Variants in LDLRAD4 observed in about 807,000 individuals in gnomAD.
LDLRAD4 encodes the protein low-density lipoprotein receptor class A domain-containing protein 4.
In LDLRAD4, 5 loss-of-function variants were observed where a neutral mutation model predicts 17.0. The observed-to-expected ratio is 0.29, with a 90% CI of 0.15 to 0.62. LDLRAD4 has a LOEUF of 0.62. LDLRAD4 is among the 20% of genes least tolerant of loss of function. The pLI is 0.84. For missense variants in LDLRAD4, 340 were observed against 424.7 expected (o/e 0.80, Z 1.75); for synonymous variants, 168 against 171.8 (o/e 0.98, Z 0.17).
At chr18:13,553,302 C>T (rs186158842) in intron 3 of LDLRAD4, among the ~76,000 whole-genome samples, 29 of 152,270 alleles carry the variant, frequency 1.9e-4, no homozygotes, top group Admixed American at 1.5e-3. Context: ...ACATCATCTC[C>T]AGCAGAAGGA....
chr18:13,452,594 CTA>C (rs985959141), intron 3 of LDLRAD4, among the ~76,000 whole-genome samples: 2 of 152,118 alleles, frequency 1.3e-5, no homozygotes. Flanking sequence ...AGAGCTGCTG[CTA>C]TGAGTCAGCC....
chr18:13,422,629 T>A (rs2089591371), intron 2 of LDLRAD4, among the ~76,000 whole-genome samples: 1 of 151,980 alleles, frequency 6.6e-6, no homozygotes, highest in Admixed American at 6.6e-5. Flanking sequence ...GCCCAGGTGT[T>A]GGAGGCTGCA....
intron 3 of LDLRAD4, among the ~76,000 whole-genome samples, chr18:13,546,471 C>T (rs1303038337): frequency 2.0e-5 from 3 of 151,266 alleles, no homozygotes; most frequent in East Asian, 1.9e-4. Context: ...CAGGCTCAAG[C>T]GATTCTCCTG....
At chr18:13,351,711 T>C (rs2083046023) in intron 1 of LDLRAD4, among the ~76,000 whole-genome samples, 1 of 152,202 alleles carries the variant, frequency 6.6e-6, no homozygotes, top group African/African-American at 2.4e-5. Flanking sequence ...CCATTCCTTC[T>C]GAAACTATTC....
intron 3 of LDLRAD4, among the ~76,000 whole-genome samples, chr18:13,601,546 C>T (rs1481338700): frequency 7.3e-5 from 11 of 151,004 alleles, no homozygotes; most frequent in East Asian, 3.9e-4. Flanking sequence ...CCCAGCTACT[C>T]GGGAGGCTGA....
chr18:13,427,012 C>T (rs1204466949), intron 2 of LDLRAD4, among the ~76,000 whole-genome samples: 4 of 151,950 alleles, frequency 2.6e-5, no homozygotes, highest in East Asian at 1.9e-4. Flanking sequence ...GGTGAAACCC[C>T]GTCTCTACTA....
chr18:13,253,516 A>C (rs1324760038), intron 1 of LDLRAD4, among the ~76,000 whole-genome samples: 1 of 152,178 alleles, frequency 6.6e-6, no homozygotes, highest in Non-Finnish European at 1.5e-5. Context: ...AGGCTGATTT[A>C]GTACTTGTGG....
At chr18:13,496,870 C>T (rs1196512594) in intron 3 of LDLRAD4, among the ~76,000 whole-genome samples, 3 of 152,220 alleles carry the variant, frequency 2.0e-5, no homozygotes, top group Non-Finnish European at 4.4e-5. Flanking sequence ...AGGCAGCCAG[C>T]CCGAACCTGG....
chr18:13,298,168 G>C (rs1159467819), intron 1 of LDLRAD4, among the ~76,000 whole-genome samples: 5 of 152,218 alleles, frequency 3.3e-5, no homozygotes, highest in African/African-American at 1.2e-4. Flanking sequence ...GCTGGGGGTG[G>C]GGATCAGTGT....
At chr18:13,458,302 A>G (rs78630305) in intron 3 of LDLRAD4, among the ~76,000 whole-genome samples, 15 of 152,316 alleles carry the variant, frequency 9.8e-5, no homozygotes, top group Non-Finnish European at 1.9e-4. Context: ...GCGCTGCTTT[A>G]GAAGCACTAT....
At chr18:13,513,113 TGTG>T (rs2093808296) in intron 3 of LDLRAD4, among the ~76,000 whole-genome samples, 1 of 152,206 alleles carries the variant, frequency 6.6e-6, no homozygotes, top group African/African-American at 2.4e-5. Flanking sequence ...GCTCCATAAG[TGTG>T]CACAGTCTGA....
chr18:13,392,578 A>C (rs1400918536), intron 2 of LDLRAD4, among the ~76,000 whole-genome samples: 1 of 151,930 alleles, frequency 6.6e-6, no homozygotes, highest in African/African-American at 2.4e-5. Context: ...ATTTCACCTG[A>C]GGTTTCTTGT....
intron 4 of LDLRAD4, among the ~76,000 whole-genome samples, chr18:13,628,868 T>TCAC (rs2041405256): frequency 6.6e-6 from 1 of 152,232 alleles, no homozygotes; most frequent in African/African-American, 2.4e-5. Context: ...TCTCACTTTG[T>TCAC]TGCGCAGGCT....
At chr18:13,383,915 A>G (rs2085585350) in intron 1 of LDLRAD4, among the ~76,000 whole-genome samples, 1 of 152,142 alleles carries the variant, frequency 6.6e-6, no homozygotes, top group South Asian at 2.1e-4. Context: ...AAGACTTTTT[A>G]CAGCATTTAT....
intron 1 of LDLRAD4, among the ~76,000 whole-genome samples, chr18:13,308,225 C>G (rs1386267811): frequency 6.6e-6 from 1 of 152,184 alleles, no homozygotes; most frequent in East Asian, 1.9e-4. Context: ...CACCCGCCGC[C>G]CCACACCTCT....
At position 13,638,047 on chromosome 18, in the gene LDLRAD4, T is replaced by C. The variant is rs191622924; in HGVS notation, c.337-5312T>C. Among the ~76,000 whole-genome samples, 99 of 152,208 alleles carry C rather than the reference T, an allele frequency of 6.5e-4. 1 individual carries two copies. Among genetic ancestry groups the C allele is most frequent in the African/African-American group, 2.3e-3 (96 of 41,522 alleles). On this transcript the variant is annotated intron_variant, in intron 4 of 5. Transcript: ENST00000359446. Reference sequence around the variant, plus strand: ...ATGGTATTTGAGCCTCATGACAACCTCTTTTTACAAATAAGGGAACTGAGG... The same window carrying C: ...ATGGTATTTGAGCCTCATGACAACCCCTTTTTACAAATAAGGGAACTGAGG...
chr18:13,266,721 G>A (rs1258391478), intron 1 of LDLRAD4, among the ~76,000 whole-genome samples: 1 of 152,228 alleles, frequency 6.6e-6, no homozygotes, highest in Non-Finnish European at 1.5e-5. Flanking sequence ...GCCCAGCACC[G>A]CAGTCCTGGC....
At chr18:13,507,334 C>G (rs948865592) in intron 3 of LDLRAD4, among the ~76,000 whole-genome samples, 4 of 152,102 alleles carry the variant, frequency 2.6e-5, no homozygotes, top group African/African-American at 9.7e-5. Flanking sequence ...AACTTCCCCG[C>G]GAAGTCCCCA....
At chr18:13,242,850 C>T (rs1404478680) in intron 1 of LDLRAD4, among the ~76,000 whole-genome samples, 1 of 152,256 alleles carries the variant, frequency 6.6e-6, no homozygotes, top group Non-Finnish European at 1.5e-5. Context: ...TTTGGCCTTT[C>T]AGGCAGCTCT....
Sources: gnomAD v4.1 joint callset for allele counts (sites outside exome capture counted in the v4.1 genomes callset) on GRCh38, gnomAD v4.1.1 for gene constraint, MANE v1.5 for transcripts, NCBI Gene and HGNC (gene_info 2026-07-23, HGNC 2026-07-21) for gene names.